Variants in NCOA7 observed in about 807,000 individuals in gnomAD.
NCOA7 encodes the protein 140 kDa estrogen receptor-associated protein.
Under a neutral mutation model 104.3 loss-of-function variants are expected in NCOA7, and 45 were observed. The observed-to-expected ratio is 0.43, with a 90% CI of 0.34 to 0.55. The LOEUF is 0.55. NCOA7 is among the 20% of genes least tolerant of loss of function. NCOA7 has a pLI of 0.02. For missense variants in NCOA7, 1,041 were observed against 1,119.7 expected (o/e 0.93, Z 1.00); for synonymous variants, 398 against 402.3 (o/e 0.99, Z 0.13).
chr6:125,859,527 T>C (rs1203479856), intron 3 of NCOA7, among the ~76,000 whole-genome samples: 1 of 152,216 alleles, frequency 6.6e-6, no homozygotes, highest in African/African-American at 2.4e-5. Flanking sequence ...TAACAATATG[T>C]TGATAGTTGT....
intron 1 of NCOA7, among the ~76,000 whole-genome samples, chr6:125,809,215 GTCTCTC>G (rs1298545955): frequency 6.6e-6 from 1 of 151,796 alleles, no homozygotes; most frequent in African/African-American, 2.4e-5. Context: ...TTGAGAGAGA[GTCTCTC>G]TCTGACGCCC....
chr6:125,808,610 A>T (rs1465756880), intron 1 of NCOA7, among the ~76,000 whole-genome samples: 1 of 152,148 alleles, frequency 6.6e-6, no homozygotes. Context: ...GCCTTAAATG[A>T]TCATTTCTAA....
At chr6:125,853,246 G>A (rs1781277652) in intron 2 of NCOA7, among the ~76,000 whole-genome samples, 1 of 152,094 alleles carries the variant, frequency 6.6e-6, no homozygotes, top group African/African-American at 2.4e-5. Flanking sequence ...ACTGATCTGT[G>A]TACATCGATT....
chr6:125,919,249 G>A (rs959564155), intron 11 of NCOA7: 2 of 1,606,188 alleles, frequency 1.2e-6, no homozygotes, highest in Admixed American at 1.7e-5. Context: ...TAGATACTGA[G>A]AAAACAGTTG....
intron 1 of NCOA7, among the ~76,000 whole-genome samples, chr6:125,807,675 A>G (rs1364788957): frequency 1.3e-5 from 2 of 152,216 alleles, no homozygotes; most frequent in African/African-American, 2.4e-5. Context: ...CCAGGATGTT[A>G]TTAAGTACCT....
intron 2 of NCOA7, among the ~76,000 whole-genome samples, chr6:125,841,414 T>C (rs992638537): frequency 6.6e-6 from 1 of 152,182 alleles, no homozygotes; most frequent in Non-Finnish European, 1.5e-5. Context: ...TTTCTCAGAA[T>C]GTATCCCTGT....
intron 5 of NCOA7, among the ~76,000 whole-genome samples, chr6:125,880,495 CTTTTT>C (rs1783734984): frequency 6.6e-6 from 1 of 151,234 alleles, no homozygotes; most frequent in Admixed American, 6.6e-5. Context: ...TCTCTCTTTT[CTTTTT>C]ATTTATTTAT....
rs565331314 is a variant in NCOA7, at chr6:125,783,756, A to G, written c.-141-2381A>G. 5.9e-5 allele frequency among the ~76,000 whole-genome samples: 9 copies of G among 152,344 alleles called. No individual in the cohort carries two copies. In the South Asian group the frequency reaches 1.9e-3, roughly 32 times the overall value. The stretch of plus-strand genomic sequence containing the variant: ...TATAACAGGAAGAATTAACATCTTC[A>G]TGCATATATCTATTTTTCTTTAATT... On this transcript the variant is annotated intron_variant, in intron 1 of 16. Transcript: ENST00000368357.
intron 13 of NCOA7, among the ~76,000 whole-genome samples, chr6:125,926,983 C>T (rs1450776634): frequency 6.6e-6 from 1 of 152,074 alleles, no homozygotes; most frequent in African/African-American, 2.4e-5. Flanking sequence ...CCTTCCATCC[C>T]CCGATAAGAA....
At chr6:125,882,730 ATGT>A (rs917085495) in intron 7 of NCOA7, 179 bp downstream of exon 7, 6 of 639,708 alleles carry the variant, frequency 9.4e-6, no homozygotes, top group Admixed American at 3.1e-5. Context: ...ACTGAGGTAA[ATGT>A]TGTCACTGAG....
Position 125,874,816 on chromosome 6 carries a change from A to G in NCOA7, c.272-73A>G, listed in dbSNP as rs1783221834. ...TCAGTTGATTTGAAAGTGGGTTTCT[A>G]TATATGGTAGTTTTACCCTGGCTTC... On this transcript the variant is annotated intron_variant, in intron 3 of 15. Transcript: ENST00000392477. 2.6e-6 allele frequency: 3 copies of G among 1,153,036 alleles called. No individual in the cohort carries two copies. In the Admixed American group the frequency reaches 5.4e-5, roughly 21 times the overall value. The allele number at this position is 1,153,036 out of a possible 1,614,324, so 71.4% of individuals were successfully genotyped here. A position where few individuals can be genotyped will look rare whatever the true frequency, so the allele number is the denominator to read the frequency against.
chr6:125,782,020 A>G (rs1380429039), intron 1 of NCOA7, among the ~76,000 whole-genome samples: 2 of 152,000 alleles, frequency 1.3e-5, no homozygotes, highest in Non-Finnish European at 2.9e-5. Flanking sequence ...GTATGAATAG[A>G]TGTTCTGTAA....
chr6:125,890,225 A>C (rs892674642), intron 9 of NCOA7, among the ~76,000 whole-genome samples: 1 of 152,202 alleles, frequency 6.6e-6, no homozygotes, highest in Non-Finnish European at 1.5e-5. Flanking sequence ...TTAATCTTTC[A>C]AGTTACTTTC....
rs1467040749 is a variant in NCOA7 at position 125,922,738 on chromosome 6, C to T, written c.2427C>T (p.Ser809=). The T allele has an allele frequency of 1.9e-6, 3 of 1,613,934 alleles. No homozygotes were observed. Among genetic ancestry groups the T allele is most frequent in the Non-Finnish European group, 2.5e-6 (3 of 1,180,028 alleles). Residue 809 remains serine, a synonymous_variant, in exon 13 of 16, where the codon AGC becomes AGT. Coordinates refer to ENST00000392477, the MANE Select transcript of NCOA7 (RefSeq NM_181782.5). ...GGTATCCATGGAGACTGGCCTATAG[C>T]ACGTTAGAGCACGGGACCAGCTTAA... ...VQGYPWRLAY[S]TLEHGTSLKT...
intron 10 of NCOA7, among the ~76,000 whole-genome samples, chr6:125,893,294 A>G (rs1784760060): frequency 6.6e-6 from 1 of 152,152 alleles, no homozygotes; most frequent in Non-Finnish European, 1.5e-5. Context: ...CATAGACCTT[A>G]TAGATGTGAC....
In NCOA7 at chr6:125,881,166, C is replaced by T; in HGVS notation, c.536C>T (p.Ser179Phe). ...LSSSSPGATV[S>F]PSSSDAEYDK... ...TCATCCAGTCCTGGTGCTACTGTCT[C>T]TCCTTCATCATCAGATGCAGAATAT... The change falls in exon 6 of 16, where the codon TCT becomes TTT. Residue 179 changes from serine (S) to phenylalanine (F), a missense_variant. Around this residue, in one of 2 missense-constraint regions of NCOA7, gnomAD observed 914 missense variants for 942.7 expected, o/e 0.97. Coordinates refer to ENST00000392477, the MANE Select transcript of NCOA7 (RefSeq NM_181782.5). 1 of 1,613,886 alleles carries T rather than the reference C, an allele frequency of 6.2e-7. No homozygotes were observed. The highest frequency in any genetic ancestry group is 8.5e-7 in the Non-Finnish European group (1 of 1,179,832).
At chr6:125,784,807 G>T (rs142959545) in intron 1 of NCOA7, among the ~76,000 whole-genome samples, 1,906 of 152,286 alleles carry the variant, frequency 0.013, 32 homozygotes, top group African/African-American at 0.044. Flanking sequence ...CGTACTATAT[G>T]ATTCAATTTA....
At chr6:125,848,363 C>A (rs567487524) in intron 2 of NCOA7, among the ~76,000 whole-genome samples, 6 of 152,046 alleles carry the variant, frequency 3.9e-5, no homozygotes, top group African/African-American at 1.4e-4. Flanking sequence ...ATGTTTATTG[C>A]GGCACTATTC....
intron 3 of NCOA7, among the ~76,000 whole-genome samples, chr6:125,856,122 G>C (rs1781527059): frequency 6.6e-6 from 1 of 152,084 alleles, no homozygotes; most frequent in Non-Finnish European, 1.5e-5. Flanking sequence ...AATAAATAAG[G>C]GTACCAGGAA....
Sources: gnomAD v4.1 joint callset for allele counts (sites outside exome capture counted in the v4.1 genomes callset) on GRCh38, gnomAD v4.1.1 for gene constraint, gnomAD v4.1.1 regional missense constraint, MANE v1.5 for transcripts, NCBI Gene and HGNC (gene_info 2026-07-23, HGNC 2026-07-21) for gene names.